The following IL4 variants were observed in gnomAD, a reference collection of about 807,000 sequenced individuals.
IL4 encodes interleukin-4.
IL4 carries 10 observed loss-of-function variants against 17.4 expected under a neutral mutation model. That is an observed-to-expected ratio of 0.57 (90% CI 0.35 to 0.97). The LOEUF (loss-of-function observed/expected upper bound fraction) is 0.97. Among genes scored for constraint, IL4 ranks in the 50% least tolerant of loss-of-function variants. The pLI, the probability that IL4 is intolerant of heterozygous loss-of-function variation, is 0.01. For synonymous variants in IL4, 87 were observed against 79.0 expected (o/e 1.10, Z -0.54); for missense variants, 174 against 187.7 (o/e 0.93, Z 0.43).
At chr5:132,682,445 A>AT (rs1265804670) in intron 3 of IL4, 41 bp from the exon 4 acceptor site, 2 of 1,213,312 alleles carry the variant, frequency 1.6e-6, no homozygotes, top group Non-Finnish European at 2.4e-6. Context: ...AGGCAAGACA[A>AT]ATGCTTACCA....
intron 2 of IL4, among the ~76,000 whole-genome samples, chr5:132,679,190 G>T (rs1028457185): frequency 6.6e-6 from 1 of 152,194 alleles, no homozygotes; most frequent in Non-Finnish European, 1.5e-5. Context: ...GAGAGTGCTG[G>T]CCAAAGCAGC....
At chr5:132,679,961 C>G in intron 3 of IL4, 71 bp downstream of exon 3, 1 of 1,304,636 alleles carries the variant, frequency 7.7e-7, no homozygotes, top group Non-Finnish European at 1.1e-6. Flanking sequence ...CTTCTAAACA[C>G]TCCTTAGGAG....
At chr5:132,674,392 C>A in intron 1 of IL4, 67 bp from the exon 2 acceptor site, 2 of 1,509,440 alleles carry the variant, frequency 1.3e-6, no homozygotes, top group Non-Finnish European at 1.8e-6. Flanking sequence ...AGCTGCTCAT[C>A]AAGGACTTCT....
chr5:132,676,988 T>A (rs1201811893), intron 2 of IL4, among the ~76,000 whole-genome samples: 1 of 152,228 alleles, frequency 6.6e-6, no homozygotes, highest in East Asian at 1.9e-4. Flanking sequence ...AGAAGCAAGC[T>A]GGCTGGCTGA....
intron 2 of IL4, chr5:132,677,834 A>G (rs936410805): frequency 4.6e-5 from 7 of 152,084 alleles, no homozygotes; most frequent in Admixed American, 1.3e-4. Flanking sequence ...GCCGCCCCCC[A>G]TCAGCCCGTG....
intron 3 of IL4, 46 bp from the exon 4 acceptor site, chr5:132,682,440 A>G (rs2243289): frequency 0.2 from 233,801 of 1,172,270 alleles, 33,787 homozygotes; most frequent in East Asian, 0.74. Flanking sequence ...CAGGCAGGCA[A>G]GACAAATGCT....
intron 2 of IL4, among the ~76,000 whole-genome samples, chr5:132,677,184 A>G (rs1752397344): frequency 1.3e-5 from 2 of 152,224 alleles, no homozygotes; most frequent in African/African-American, 2.4e-5. Context: ...TGCAGTGCCA[A>G]TCGGGCTGGA....
Position 132,680,163 on chromosome 5 carries a change from G to A in IL4, c.360+273G>A, listed in dbSNP as rs985470637. The stretch of plus-strand genomic sequence containing the variant: ...CAAACATGTAAAATGATGGCCAGCA[G>A]TGATACGTGCTACAAAGAAAAACAT... On this transcript the variant is annotated intron_variant, in intron 3 of 3. Coordinates refer to ENST00000231449, the MANE Select transcript of IL4 (RefSeq NM_000589.4). The surrounding 1 kb of genome is among the most constrained non-coding windows in gnomAD (Gnocchi z 4.3). Among the ~76,000 whole-genome samples, 1 of 152,222 alleles carries A rather than the reference G, an allele frequency of 6.6e-6. No homozygotes were observed. Among genetic ancestry groups the A allele is most frequent in the African/African-American group, 2.4e-5 (1 of 41,454 alleles).
intron 2 of IL4, among the ~76,000 whole-genome samples, chr5:132,675,879 A>G (rs58349986): frequency 0.3 from 39,857 of 134,638 alleles, 7,080 homozygotes; most frequent in East Asian, 0.77. Context: ...GTGTGTGTGT[A>G]TATATGTGTG....
chr5:132,676,345 A>G (rs1308240123), intron 2 of IL4, among the ~76,000 whole-genome samples: 1 of 152,210 alleles, frequency 6.6e-6, no homozygotes. Flanking sequence ...ATTAAAAGCA[A>G]GAACAGGTGC....
At chr5:132,682,397 T>C (rs1581047354) in intron 3 of IL4, 89 bp from the exon 4 acceptor site, 4 of 768,788 alleles carry the variant, frequency 5.2e-6, no homozygotes, top group East Asian at 5.1e-5. Context: ...AGTGTTCAGG[T>C]GACAAGTGCC....
chr5:132,675,849 A>ATGTGTGTGTG (rs58175446), intron 2 of IL4, among the ~76,000 whole-genome samples: 1,787 of 144,996 alleles, frequency 0.012, 29 homozygotes, highest in East Asian at 0.068. Context: ...GCAACAGTTT[A>ATGTGTGTGTG]TGTGTGTGTG....
chr5:132,674,034 C>G lies in IL4; in HGVS notation c.-17C>G. The G allele has an allele frequency of 6.2e-7, 1 of 1,613,058 alleles. No individual in the cohort carries two copies. The highest frequency in any genetic ancestry group is 8.5e-7 in the Non-Finnish European group (1 of 1,179,090). ...AACTAATTGCCTCACATTGTCACTG[C>G]AAATCGACACCTATTAATGGGTCTC... On this transcript the variant is annotated 5_prime_UTR_variant, in exon 1 of 4. Coordinates refer to ENST00000231449, the MANE Select transcript of IL4 (RefSeq NM_000589.4).
intron 2 of IL4, among the ~76,000 whole-genome samples, chr5:132,675,673 C>A (rs1311268384): frequency 2.6e-5 from 4 of 152,122 alleles, no homozygotes; most frequent in Admixed American, 2.6e-4. Flanking sequence ...CTCAGCCTCC[C>A]AAGTAGCCGG....
At chr5:132,678,096 C>T (rs985110822) in intron 2 of IL4, among the ~76,000 whole-genome samples, 9 of 152,196 alleles carry the variant, frequency 5.9e-5, no homozygotes, top group African/African-American at 2.2e-4. Context: ...CCTGAAAAAA[C>T]GTTAAAATAT....
At chr5:132,682,235 C>G (rs578164778) in intron 3 of IL4, among the ~76,000 whole-genome samples, 59 of 152,262 alleles carry the variant, frequency 3.9e-4, no homozygotes, top group African/African-American at 1.3e-3. Context: ...TGCACTCCCC[C>G]CCGCGCCACC....
Position 132,674,110 on chromosome 5 carries a change from C to T in IL4, c.60C>T (p.Asn20=), listed in dbSNP as rs1309315633. The T allele has an allele frequency of 6.2e-7, 1 of 1,614,202 alleles. No individual in the cohort carries two copies. Among genetic ancestry groups the T allele is most frequent in the Admixed American group, 1.7e-5 (1 of 60,024 alleles). Reference sequence around the variant, plus strand: ...TCTTCCTGCTAGCATGTGCCGGCAACTTTGTCCACGGACACAAGTGCGATA... The same window carrying T: ...TCTTCCTGCTAGCATGTGCCGGCAATTTTGTCCACGGACACAAGTGCGATA... ...PLFFLLACAG[N]FVHGHKCDIT... Residue 20 remains asparagine (N), a synonymous_variant, in exon 1 of 4, where the codon AAC becomes AAT. Coordinates refer to ENST00000231449, the MANE Select transcript of IL4 (RefSeq NM_000589.4).
rs777163397 is a variant in IL4 at position 132,679,845 on chromosome 5, A to G, written c.315A>G (p.Arg105=). 6.2e-7 allele frequency: 1 copy of G among 1,613,892 alleles called. No homozygotes were observed. Among genetic ancestry groups the G allele is most frequent in the East Asian group, 2.2e-5 (1 of 44,880 alleles). The change falls in exon 3 of 4, where the codon CGA becomes CGG. Residue 105 remains arginine (R), a synonymous_variant. Transcript: ENST00000231449. ...QQFHRHKQLI[R]FLKRLDRNLW... is the part of the protein sequence containing the mutation. ...TCCACAGGCACAAGCAGCTGATCCGATTCCTGAAACGGCTCGACAGGAACC... is the reference window on the plus strand; with the variant it reads ...TCCACAGGCACAAGCAGCTGATCCGGTTCCTGAAACGGCTCGACAGGAACC...
chr5:132,674,581 T>C, intron 2 of IL4, 75 bp downstream of exon 2: 1 of 1,281,874 alleles, frequency 7.8e-7, no homozygotes, highest in Non-Finnish European at 1.1e-6. Context: ...GAAACTTGTC[T>C]AATGGAAAAC....
Sources: allele counts gnomAD v4.1 joint callset (sites outside exome capture counted in the v4.1 genomes callset), GRCh38; gene constraint gnomAD v4.1.1; non-coding constraint Gnocchi (gnomAD v3.1); transcripts MANE v1.5; gene names NCBI Gene and HGNC (gene_info 2026-07-23, HGNC 2026-07-21).